The following CNOT2 variants were observed in gnomAD, a reference collection of about 807,000 sequenced individuals.
CNOT2 encodes CCR4-NOT transcription complex subunit 2, also known as CC chemokine receptor 4-negative regulator of transcription 2.
Under a neutral mutation model 72.1 loss-of-function variants are expected in CNOT2, and 7 were observed. That is an observed-to-expected ratio of 0.10 (90% confidence interval 0.06 to 0.18). CNOT2 has a LOEUF of 0.18. CNOT2 is among the 10% of genes least tolerant of loss of function. CNOT2 has a pLI of 1.00. For missense variants in CNOT2, 345 were observed against 660.3 expected (o/e 0.52, Z 5.23); for synonymous variants, 196 against 225.6 (o/e 0.87, Z 1.17).
At chr12:70,350,774 T>C (rs760534725) in intron 15 of CNOT2, among the ~76,000 whole-genome samples, 1 of 152,188 alleles carries the variant, frequency 6.6e-6, no homozygotes, top group Non-Finnish European at 1.5e-5. Flanking sequence ...TGTATAAATA[T>C]TCCAAAATCC....
intron 15 of CNOT2, 50 bp from the exon 16 acceptor site, chr12:70,353,779 T>TA (rs755270447): frequency 6.3e-7 from 1 of 1,593,442 alleles, no homozygotes; most frequent in Non-Finnish European, 8.5e-7. Context: ...TTTTGACAAA[T>TA]GTAAAATGAA....
At chr12:70,251,815 T>A (rs1958155084) in intron 1 of CNOT2, among the ~76,000 whole-genome samples, 1 of 152,174 alleles carries the variant, frequency 6.6e-6, no homozygotes, top group South Asian at 2.1e-4. Flanking sequence ...CTGTTCAAGA[T>A]TTTTCCGTTA....
chr12:70,341,786 A>G (rs187775810), intron 11 of CNOT2, among the ~76,000 whole-genome samples: 1 of 152,190 alleles, frequency 6.6e-6, no homozygotes, highest in African/African-American at 2.4e-5. Flanking sequence ...TATTGGGAGC[A>G]TGGTATTGAA....
chr12:70,253,458 C>CCT (rs1188515028), intron 1 of CNOT2, among the ~76,000 whole-genome samples: 1 of 152,070 alleles, frequency 6.6e-6, no homozygotes, highest in African/African-American at 2.4e-5. Flanking sequence ...ACACTTAGCA[C>CCT]CTTTTATTTA....
chr12:70,320,572 T>G (rs1490364284), intron 4 of CNOT2, among the ~76,000 whole-genome samples: 1 of 151,770 alleles, frequency 6.6e-6, no homozygotes, highest in Non-Finnish European at 1.5e-5. Flanking sequence ...CTACAAATAT[T>G]TATCCTAGTT....
intron 5 of CNOT2, among the ~76,000 whole-genome samples, chr12:70,330,061 C>T (rs1049183149): frequency 1.3e-5 from 2 of 151,956 alleles, no homozygotes; most frequent in Non-Finnish European, 2.9e-5. Flanking sequence ...ACCAGTAGTT[C>T]TCTCATCTTA....
At chr12:70,245,723 G>T (rs771321764) in intron 1 of CNOT2, among the ~76,000 whole-genome samples, 8 of 152,044 alleles carry the variant, frequency 5.3e-5, no homozygotes, top group Non-Finnish European at 1.0e-4. Context: ...ATCTTCTGAT[G>T]CTGGGCAAAA....
chr12:70,299,213 A>ATT (rs544115723), intron 2 of CNOT2, among the ~76,000 whole-genome samples: 1,997 of 149,946 alleles, frequency 0.013, 41 homozygotes, highest in African/African-American at 0.046. Context: ...CATGAGACTT[A>ATT]TTTTTTTTTT....
At chr12:70,286,948 A>C (rs1410208009) in intron 2 of CNOT2, among the ~76,000 whole-genome samples, 1 of 152,026 alleles carries the variant, frequency 6.6e-6, no homozygotes, top group Non-Finnish European at 1.5e-5. Flanking sequence ...ATTAAAAAAA[A>C]ATTTTTAGTT....
At chr12:70,308,584 T>TCTCTCTCTCTCTCTCTCTCACA (rs550679130) in intron 2 of CNOT2, among the ~76,000 whole-genome samples, 2 of 133,326 alleles carry the variant, frequency 1.5e-5, no homozygotes, top group African/African-American at 5.6e-5. Context: ...TCTCTCTCTC[T>TCTCTCTCTCTCTCTCTCTCACA]CACACACACA....
intron 1 of CNOT2, among the ~76,000 whole-genome samples, chr12:70,256,582 TAAAAAA>T (rs372870920): frequency 1.8e-5 from 2 of 108,468 alleles, no homozygotes; most frequent in Admixed American, 9.7e-5. Flanking sequence ...GACCTGTGGG[TAAAAAA>T]AAAAAAAAAA....
intron 15 of CNOT2, among the ~76,000 whole-genome samples, chr12:70,349,314 A>G (rs1882585562): frequency 6.6e-6 from 1 of 152,174 alleles, no homozygotes; most frequent in South Asian, 2.1e-4. Context: ...ATGTCATGTC[A>G]CAAGTTGAGT....
chr12:70,305,057 G>C (rs578108049), intron 2 of CNOT2, among the ~76,000 whole-genome samples: 64 of 152,292 alleles, frequency 4.2e-4, no homozygotes, highest in South Asian at 1.7e-3. Flanking sequence ...CGATTTTCCA[G>C]GTGCCATTCG....
chr12:70,332,243 CAG>C (rs1441467831), intron 6 of CNOT2, among the ~76,000 whole-genome samples: 1 of 151,654 alleles, frequency 6.6e-6, no homozygotes, highest in Non-Finnish European at 1.5e-5. Flanking sequence ...GCAGAAGACA[CAG>C]AGAGGAGTTT....
At chr12:70,275,968 A>T (rs954150183) in intron 1 of CNOT2, among the ~76,000 whole-genome samples, 9 of 152,092 alleles carry the variant, frequency 5.9e-5, no homozygotes, top group Non-Finnish European at 1.2e-4. Flanking sequence ...TGTTTATTAA[A>T]AGGAGATAAT....
chr12:70,256,582 TAA>T lies in CNOT2; in HGVS notation c.-96+13122_-96+13123del, dbSNP rs372870920. ...GGTTCTGCTGAAGGAGACCTGTGGG[TAA>T]AAAAAAAAAAAAAAAAAAAGTGGTA... On this transcript the variant is annotated intron_variant, in intron 1 of 15. Coordinates refer to ENST00000229195, the MANE Select transcript of CNOT2 (RefSeq NM_014515.7). 1.9e-3 allele frequency among the ~76,000 whole-genome samples: 206 copies of T among 108,410 alleles called. 1 individual carries two copies. Among genetic ancestry groups the T allele is most frequent in the African/African-American group, 6.4e-3 (184 of 28,856 alleles). The allele number at this position is 108,410 out of a possible 152,430, so 71.1% of individuals were successfully genotyped here. A position where few individuals can be genotyped will look rare whatever the true frequency, so the allele number is the denominator to read the frequency against.
intron 2 of CNOT2, among the ~76,000 whole-genome samples, chr12:70,292,246 A>G (rs191550478): frequency 1.3e-5 from 2 of 152,224 alleles, no homozygotes; most frequent in Non-Finnish European, 2.9e-5. Context: ...TTCAGAATGC[A>G]TAACTTCAGT....
intron 1 of CNOT2, among the ~76,000 whole-genome samples, chr12:70,266,630 G>GCGTA (rs1959058827): frequency 6.6e-6 from 1 of 152,160 alleles, no homozygotes; most frequent in African/African-American, 2.4e-5. Flanking sequence ...TGTTGTAAGT[G>GCGTA]CGTACACATT....
intron 15 of CNOT2, among the ~76,000 whole-genome samples, chr12:70,352,342 G>GA (rs1358696162): frequency 6.6e-6 from 1 of 152,098 alleles, no homozygotes; most frequent in Middle Eastern, 3.2e-3. Context: ...TTATTACAAA[G>GA]ATTAGAATAA....
Sources: allele counts gnomAD v4.1 joint callset (sites outside exome capture counted in the v4.1 genomes callset), GRCh38; gene constraint gnomAD v4.1.1; transcripts MANE v1.5; gene names NCBI Gene and HGNC (gene_info 2026-07-23, HGNC 2026-07-21).